CADM2: variants seen among roughly 807,000 people sequenced by gnomAD.
CADM2 encodes cell adhesion molecule 2.
A neutral mutation model predicts 49.8 loss-of-function variants in CADM2; 12 were observed. The observed-to-expected ratio is 0.24, with a 90% CI of 0.15 to 0.39. CADM2 has a LOEUF of 0.39. CADM2 is among the 10% of genes least tolerant of loss of function. The probability of loss-of-function intolerance (pLI) is 1.00; values close to 1 mark genes in which losing one functional copy is unlikely to be tolerated. For missense variants in CADM2, 378 were observed against 492.3 expected (o/e 0.77, Z 2.20); for synonymous variants, 214 against 175.4 (o/e 1.22, Z -1.74).
intron 3 of CADM2, among the ~76,000 whole-genome samples, chr3:85,810,738 C>T (rs1454065789): frequency 6.6e-6 from 1 of 151,720 alleles, no homozygotes; most frequent in African/African-American, 2.4e-5. Context: ...AGAGGTTTCA[C>T]CATGTTGACC....
At chr3:85,775,303 G>C (rs1232801828) in intron 2 of CADM2, among the ~76,000 whole-genome samples, 1 of 151,560 alleles carries the variant, frequency 6.6e-6, no homozygotes, top group Non-Finnish European at 1.5e-5. Context: ...TTACATTTCT[G>C]CAAAACAATT....
chr3:85,275,919 G>A (rs918976575), intron 1 of CADM2, among the ~76,000 whole-genome samples: 4 of 151,140 alleles, frequency 2.6e-5, no homozygotes, highest in South Asian at 2.1e-4. Flanking sequence ...GTGAGCCACA[G>A]TATTATGTAA....
At chr3:86,024,934 A>G (rs1733697579) in intron 8 of CADM2, among the ~76,000 whole-genome samples, 1 of 151,824 alleles carries the variant, frequency 6.6e-6, no homozygotes, top group Non-Finnish European at 1.5e-5. Flanking sequence ...CCTGGAGTGC[A>G]GTGGTGCAAT....
chr3:85,730,533 T>G (rs778927151), intron 2 of CADM2, among the ~76,000 whole-genome samples: 56 of 152,274 alleles, frequency 3.7e-4, no homozygotes, highest in Non-Finnish European at 5.0e-4. Context: ...ACTTGTCTCC[T>G]GATTCAATTC....
intron 1 of CADM2, among the ~76,000 whole-genome samples, chr3:85,282,948 C>G (rs1217495540): frequency 1.3e-5 from 2 of 151,966 alleles, no homozygotes; most frequent in Non-Finnish European, 2.9e-5. Flanking sequence ...TGATGGATCT[C>G]CTAAATACCC....
intron 1 of CADM2, among the ~76,000 whole-genome samples, chr3:85,073,826 A>G (rs1250617657): frequency 6.6e-6 from 1 of 152,156 alleles, no homozygotes; most frequent in Non-Finnish European, 1.5e-5. Flanking sequence ...AATTTTTAGT[A>G]GGAATACTTG....
intron 8 of CADM2, among the ~76,000 whole-genome samples, chr3:86,051,386 A>G (rs574355399): frequency 6.6e-6 from 1 of 152,264 alleles, no homozygotes; most frequent in Admixed American, 6.5e-5. Flanking sequence ...ACCATTCAGC[A>G]AGTCTATAGG....
intron 1 of CADM2, among the ~76,000 whole-genome samples, chr3:85,410,062 T>C (rs1030720): frequency 0.77 from 117,823 of 152,052 alleles, 47,808 homozygotes; most frequent in East Asian, 0.95. Flanking sequence ...GGTTAATCAT[T>C]AGTTCTTGAT....
intron 1 of CADM2, among the ~76,000 whole-genome samples, chr3:85,274,636 A>T (rs1041082820): frequency 1.3e-5 from 2 of 151,470 alleles, no homozygotes; most frequent in African/African-American, 4.8e-5. Flanking sequence ...CCATTATTTT[A>T]GAATAGGACA....
At chr3:85,295,927 TA>T (rs923976474) in intron 1 of CADM2, among the ~76,000 whole-genome samples, 3 of 147,062 alleles carry the variant, frequency 2.0e-5, no homozygotes, top group Non-Finnish European at 4.5e-5. Flanking sequence ...TAAAGTATAA[TA>T]AAAAAAAGAA....
intron 1 of CADM2, among the ~76,000 whole-genome samples, chr3:85,215,437 T>C (rs1191915525): frequency 1.3e-5 from 2 of 150,066 alleles, no homozygotes; most frequent in Non-Finnish European, 3.0e-5. Context: ...GTTACATAGA[T>C]AAATTTGTGT....
At chr3:85,185,756 A>T (rs751669631) in intron 1 of CADM2, among the ~76,000 whole-genome samples, 1 of 152,184 alleles carries the variant, frequency 6.6e-6, no homozygotes, top group Non-Finnish European at 1.5e-5. Flanking sequence ...TGTGAACTGC[A>T]CTTAAGGACC....
At chr3:85,234,463 C>T (rs572343744) in intron 1 of CADM2, among the ~76,000 whole-genome samples, 50 of 152,182 alleles carry the variant, frequency 3.3e-4, no homozygotes, top group African/African-American at 1.1e-3. Flanking sequence ...ATTTCACTAA[C>T]GGCTTGTGAG....
At chr3:85,585,018 C>A (rs578077361) in intron 1 of CADM2, among the ~76,000 whole-genome samples, 1 of 152,108 alleles carries the variant, frequency 6.6e-6, no homozygotes, top group Non-Finnish European at 1.5e-5. Context: ...CCTTCAACTG[C>A]GGTTGAAAAA....
At chr3:86,014,376 T>C (rs1731944675) in intron 8 of CADM2, 1 of 1,441,640 alleles carries the variant, frequency 6.9e-7, no homozygotes, top group Non-Finnish European at 9.2e-7. Context: ...AGCTGGTAGC[T>C]TGACTGTAGT....
chr3:85,958,472 G>T (rs117351601), intron 7 of CADM2, among the ~76,000 whole-genome samples: 1,693 of 151,668 alleles, frequency 0.011, 35 homozygotes, highest in East Asian at 0.061. Context: ...AATATAAATC[G>T]TTCTAATATA....
chr3:85,071,159 A>G (rs72903370), intron 1 of CADM2, among the ~76,000 whole-genome samples: 12,017 of 151,992 alleles, frequency 0.079, 1,561 homozygotes, highest in African/African-American at 0.27. Flanking sequence ...AGTAGGAAAT[A>G]TATGTATTGA....
chr3:85,553,688 C>G (rs2061875067), intron 1 of CADM2, among the ~76,000 whole-genome samples: 1 of 152,196 alleles, frequency 6.6e-6, no homozygotes, highest in Non-Finnish European at 1.5e-5. Flanking sequence ...GATTCTGATT[C>G]AGGAAGTCTT....
chr3:85,130,514 A>G (rs2039192161), intron 1 of CADM2, among the ~76,000 whole-genome samples: 1 of 152,202 alleles, frequency 6.6e-6, no homozygotes, highest in South Asian at 2.1e-4. Context: ...AAATATATTC[A>G]ATCTAATATT....
Sources: gnomAD v4.1 joint callset for allele counts (sites outside exome capture counted in the v4.1 genomes callset) on GRCh38, gnomAD v4.1.1 for gene constraint, MANE v1.5 for transcripts, NCBI Gene and HGNC (gene_info 2026-07-23, HGNC 2026-07-21) for gene names.